The following BBIP1 variants were observed in gnomAD, a reference collection of about 807,000 sequenced individuals.
BBIP1 encodes the protein BBSome interacting protein 1, also known as BBSome-interacting protein 1.
A neutral mutation model predicts 8.9 loss-of-function variants in BBIP1; 6 were observed. The ratio of observed to expected loss-of-function variants is 0.67; its 90% CI spans 0.37 to 1.33. The LOEUF (loss-of-function observed/expected upper bound fraction) is 1.33. Ranked by LOEUF, BBIP1 falls within the 40% of genes most tolerant of loss-of-function variation. The pLI, the probability that BBIP1 is intolerant of heterozygous loss-of-function variation, is 0.02. For synonymous variants in BBIP1, 32 were observed against 33.4 expected (o/e 0.96, Z 0.14); for missense variants, 111 against 109.2 (o/e 1.02, Z -0.07).
Position 110,900,226 on chromosome 10 carries a change from A to T in BBIP1, c.*134T>A. 1.2e-6 allele frequency: 1 copy of T among 862,710 alleles called. No individual in the cohort carries two copies. Among genetic ancestry groups the T allele is most frequent in the Non-Finnish European group, 1.7e-6 (1 of 599,482 alleles). The allele number at this position is 862,710 out of a possible 1,614,324, so 53.4% of individuals were successfully genotyped here. ...ACAATACAAATTTCATCAATCTTGG[A>T]TATTTTTGTATTTCTATGAATACTA... On this transcript the variant is annotated 3_prime_UTR_variant, in exon 4 of 4. Coordinates refer to ENST00000448814, the MANE Select transcript of BBIP1 (RefSeq NM_001195305.3).
At chr10:110,904,350 A>G (rs1846079561) in intron 2 of BBIP1, 1 of 152,226 alleles carries the variant, frequency 6.6e-6, no homozygotes, top group South Asian at 2.1e-4. Context: ...GAGAGAAACA[A>G]CAGCATGCCA....
At chr10:110,916,389 T>C (rs1053937874) in intron 2 of BBIP1, among the ~76,000 whole-genome samples, 9 of 152,178 alleles carry the variant, frequency 5.9e-5, no homozygotes, top group African/African-American at 1.9e-4. Flanking sequence ...CCTTTGTGAT[T>C]AGGAAGTAAA....
chr10:110,902,080 A>C (rs979082531), intron 2 of BBIP1: 2 of 160,098 alleles, frequency 1.2e-5, no homozygotes, highest in Admixed American at 5.9e-5. Context: ...TACTTGTCTC[A>C]ACGGCCAACA....
At position 110,919,101 on chromosome 10, in the gene BBIP1, A is replaced by T. The variant is rs903408182; in HGVS notation, c.-57+20T>A. On this transcript the variant is annotated intron_variant, in intron 1 of 3. Coordinates refer to ENST00000448814, the MANE Select transcript of BBIP1 (RefSeq NM_001195305.3). ...CATGGGATGTGTGGTCACCCACGGT[A>T]CCTCTTTGGGCTTACTTACAGATGC... The T allele has an allele frequency of 6.5e-6, 1 of 152,952 alleles. No homozygotes were observed. Among genetic ancestry groups the T allele is most frequent in the African/African-American group, 2.4e-5 (1 of 41,444 alleles). 9.5% of individuals were successfully genotyped at this position (152,952 alleles called of 1,614,324 possible).
chr10:110,900,889 T>G (rs1453085808), intron 3 of BBIP1: 1 of 229,536 alleles, frequency 4.4e-6, no homozygotes, highest in Non-Finnish European at 8.7e-6. Flanking sequence ...TTCAAATGAC[T>G]GAAGGTTTAA....
chr10:110,898,805 G>A lies in BBIP1; in HGVS notation c.*1555C>T, dbSNP rs1024492157. ...ACTTTAATTTCACACAGTAAATTTT[G>A]AATCTCATAAGGAAGCATATTTGAA... On this transcript the variant is annotated 3_prime_UTR_variant, in exon 4 of 4. Transcript: ENST00000448814. 5.2e-5 allele frequency: 8 copies of A among 152,480 alleles called. No homozygotes were observed. Among genetic ancestry groups the A allele is most frequent in the Non-Finnish European group, 1.2e-4 (8 of 67,994 alleles). 9.4% of individuals were successfully genotyped at this position (152,480 alleles called of 1,614,324 possible).
chr10:110,908,671 A>G (rs1184262030), intron 2 of BBIP1, among the ~76,000 whole-genome samples: 1 of 152,176 alleles, frequency 6.6e-6, no homozygotes, highest in Non-Finnish European at 1.5e-5. Flanking sequence ...ATAGGGAGCA[A>G]TTGTGTCAGG....
At chr10:110,901,197 A>C in intron 3 of BBIP1, 1 of 431,946 alleles carries the variant, frequency 2.3e-6, no homozygotes, top group South Asian at 1.8e-5. Context: ...AGGCTAGGGC[A>C]GGAGCCCAGT....
Position 110,901,574 on chromosome 10 carries a change from C to G in BBIP1, c.76G>C (p.Val26Leu). 7.8e-6 allele frequency: 12 copies of G among 1,535,690 alleles called. No homozygotes were observed. The highest frequency in any genetic ancestry group is 1.0e-5 in the Non-Finnish European group (12 of 1,146,546). Residue 26 changes from valine (V) to leucine (L), a missense_variant, in exon 3 of 4, where the codon GTG becomes CTG. Physicochemically the swap from Val to Leu is conservative, Grantham distance 32 (BLOSUM62 1). Coordinates refer to ENST00000448814, the MANE Select transcript of BBIP1 (RefSeq NM_001195305.3). ...AGAACTTCCCGGAACATTGACTTCA[C>G]TTCTGCCATATCTGAGTTGTTGGAT... ...TISNNSDMAE[V>L]KSMFREVLPK... is the part of the protein sequence containing the mutation.
In BBIP1 at chr10:110,899,799, A is replaced by G. The variant is rs1382380498; in HGVS notation, c.*561T>C. The G allele has an allele frequency of 6.7e-6, 1 of 149,958 alleles. No individual in the cohort carries two copies. The highest frequency in any genetic ancestry group is 1.5e-5 in the Non-Finnish European group (1 of 67,134). The allele number at this position is 149,958 out of a possible 1,614,324, so 9.3% of individuals were successfully genotyped here. ...AACAAGAGTGAAACTCTTGTCTCAA[A>G]AAAAAAAAAAAATGAGGTTTAAGAC... On this transcript the variant is annotated 3_prime_UTR_variant, in exon 4 of 4. Coordinates refer to ENST00000448814, the MANE Select transcript of BBIP1 (RefSeq NM_001195305.3).
At chr10:110,906,125 C>T (rs963595354) in intron 2 of BBIP1, among the ~76,000 whole-genome samples, 26 of 152,054 alleles carry the variant, frequency 1.7e-4, no homozygotes, top group African/African-American at 6.3e-4. Flanking sequence ...GCCTCAGCCT[C>T]CCGAGTAGCT....
At chr10:110,902,352 T>C (rs1242240729) in intron 2 of BBIP1, 1 of 152,548 alleles carries the variant, frequency 6.6e-6, no homozygotes, top group Non-Finnish European at 1.5e-5. Flanking sequence ...GATTCTGCTA[T>C]GCTGTGTGTT....
chr10:110,915,498 C>T (rs1179164957), intron 2 of BBIP1, among the ~76,000 whole-genome samples: 1 of 152,166 alleles, frequency 6.6e-6, no homozygotes, highest in Non-Finnish European at 1.5e-5. Flanking sequence ...AAGAGAACTA[C>T]TGTCATAGAT....
Position 110,918,212 on chromosome 10 carries a change from AACT to A in BBIP1, c.-56-2_-56del. 7.1e-7 allele frequency: 1 copy of A among 1,409,788 alleles called. No individual in the cohort carries two copies. The highest frequency in any genetic ancestry group is 1.2e-5 in the South Asian group (1 of 81,332). The allele number at this position is 1,409,788 out of a possible 1,614,324, so 87.3% of individuals were successfully genotyped here. A position where few individuals can be genotyped will look rare whatever the true frequency, so the allele number is the denominator to read the frequency against. On this transcript the variant is annotated splice_acceptor_variant and 5_prime_UTR_variant, in exon 2 of 4. Coordinates refer to ENST00000448814, the MANE Select transcript of BBIP1 (RefSeq NM_001195305.3). LOFTEE classifies it low-confidence loss of function (5UTR_SPLICE). ...GTTCTTGACTCAAGCATACAGAAGAAACTACAAGATAATGTATGATAACTTTGT... is the reference window on the plus strand; with the variant it reads ...GTTCTTGACTCAAGCATACAGAAGAAACAAGATAATGTATGATAACTTTGT...
intron 2 of BBIP1, among the ~76,000 whole-genome samples, chr10:110,917,194 A>ATTTTTTTTTTTTTTTT (rs67066048): frequency 9.3e-6 from 1 of 107,972 alleles, no homozygotes; most frequent in Non-Finnish European, 1.8e-5. Flanking sequence ...CTGGATCCTG[A>ATTTTTTTTTTTTTTTT]TTTTTTTTTT....
intron 2 of BBIP1, among the ~76,000 whole-genome samples, chr10:110,910,047 G>A (rs926085192): frequency 3.3e-5 from 5 of 152,144 alleles, no homozygotes; most frequent in Admixed American, 6.6e-5. Flanking sequence ...TTTAATAAAA[G>A]CATGCCTACT....
intron 2 of BBIP1, among the ~76,000 whole-genome samples, chr10:110,905,306 G>A (rs1846102793): frequency 6.6e-6 from 1 of 151,786 alleles, no homozygotes; most frequent in South Asian, 2.1e-4. Flanking sequence ...GCTCACACCT[G>A]TAATCCCAGC....
rs944179800 is a variant in BBIP1, at chr10:110,900,792, G to C, written c.113-266C>G. On this transcript the variant is annotated intron_variant, in intron 3 of 3. Coordinates refer to ENST00000448814, the MANE Select transcript of BBIP1 (RefSeq NM_001195305.3). ...CCATAAGACACAACTTTTTGTGTCA[G>C]AAGTTTAATCTTAAAATAAGATTTG... 8.5e-6 allele frequency: 3 copies of C among 353,234 alleles called. No homozygotes were observed. In the Admixed American group the frequency reaches 1.3e-4, roughly 16 times the overall value. The allele number at this position is 353,234 out of a possible 1,614,324, so 21.9% of individuals were successfully genotyped here. A position where few individuals can be genotyped will look rare whatever the true frequency, so the allele number is the denominator to read the frequency against.
intron 2 of BBIP1, among the ~76,000 whole-genome samples, chr10:110,912,669 T>C (rs1190513019): frequency 2.0e-5 from 3 of 152,180 alleles, no homozygotes; most frequent in African/African-American, 7.2e-5. Flanking sequence ...TCTTGGTTTC[T>C]AAAAATGTTC....
Sources: gnomAD v4.1 joint callset for allele counts (sites outside exome capture counted in the v4.1 genomes callset) on GRCh38, gnomAD v4.1.1 for gene constraint, MANE v1.5 for transcripts, NCBI Gene and HGNC (gene_info 2026-07-23, HGNC 2026-07-21) for gene names.